Variants in SLC13A4 observed in about 807,000 individuals in gnomAD.
The protein encoded by SLC13A4 is solute carrier family 13 member 4, also known as Na(+)/sulfate cotransporter SUT-1.
SLC13A4 carries 28 observed loss-of-function variants against 72.7 expected under a neutral mutation model. The ratio of observed to expected loss-of-function variants is 0.39; its 90% CI spans 0.29 to 0.53. SLC13A4 has a LOEUF of 0.53. Among genes scored for constraint, SLC13A4 ranks in the 20% least tolerant of loss-of-function variants. The pLI is 0.78. For missense variants in SLC13A4, 653 were observed against 788.0 expected, an observed-to-expected ratio of 0.83 and a Z score of 2.05; for synonymous variants, 312 against 325.5, an observed-to-expected ratio of 0.96 and a Z score of 0.45.
intron 2 of SLC13A4, among the ~76,000 whole-genome samples, chr7:135,709,331 T>C (rs889500495): frequency 3.9e-5 from 6 of 151,970 alleles, no homozygotes; most frequent in Admixed American, 6.6e-5. Flanking sequence ...TTTTTTTTTT[T>C]CCCTGAACCA....
rs1380424784 is a variant in SLC13A4, at chr7:135,707,071, C to T, written c.366-771G>A. Among the ~76,000 whole-genome samples, 7 of 152,288 alleles carry T rather than the reference C, an allele frequency of 4.6e-5. No individual in the cohort carries two copies. In the South Asian group the frequency reaches 1.0e-3, roughly 23 times the overall value. On this transcript the variant is annotated intron_variant, in intron 3 of 15. Transcript: ENST00000682651. ...GACTTTGCACAACTTGGGGACAGTA[C>T]GTTTATCATGTGGACTCCATTGGCT...
In SLC13A4 at chr7:135,701,911, C is replaced by T. The variant is rs1467530805; in HGVS notation, c.634-151G>A. On this transcript the variant is annotated intron_variant, in intron 6 of 15. Coordinates refer to ENST00000682651, the MANE Select transcript of SLC13A4 (RefSeq NM_001318192.2). ...GCCAGGGGGAGCATATACACCAGGG[C>T]ACCTCAGCCAGGCCTGCCCCGCCCA... The T allele has an allele frequency of 2.8e-5, 18 of 646,748 alleles. No individual in the cohort carries two copies. In the East Asian group the frequency reaches 5.0e-4, roughly 18 times the overall value. The allele number at this position is 646,748 out of a possible 1,614,324, so 40.1% of individuals were successfully genotyped here.
chr7:135,692,438 CAG>C lies in SLC13A4; in HGVS notation c.1122-16_1122-15del. The C allele has an allele frequency of 3.2e-6, 5 of 1,571,318 alleles. No individual in the cohort carries two copies. Among genetic ancestry groups the C allele is most frequent in the East Asian group, 2.2e-5 (1 of 44,692 alleles). ...ATTTCTGGGTAGCTATAAAATAAAA[CAG>C]AAAGACCCACTCAGGAACTGAGAAA... On this transcript the variant is annotated splice_polypyrimidine_tract_variant and intron_variant, in intron 10 of 15. Transcript: ENST00000682651.
intron 5 of SLC13A4, 56 bp downstream of exon 5, chr7:135,705,540 T>A: frequency 6.5e-7 from 1 of 1,548,078 alleles, no homozygotes; most frequent in Non-Finnish European, 8.9e-7. Flanking sequence ...CCCTCTTTTC[T>A]GACCTCCCCT....
At chr7:135,701,889 A>G (rs1325029118) in intron 6 of SLC13A4, 129 bp from the exon 7 acceptor site, 4 of 818,932 alleles carry the variant, frequency 4.9e-6, no homozygotes, top group Non-Finnish European at 7.7e-6. Context: ...GCCAGAAGCC[A>G]GGGGGAGCAT....
chr7:135,714,277 C>T (rs540262445), intron 2 of SLC13A4, among the ~76,000 whole-genome samples: 3 of 152,302 alleles, frequency 2.0e-5, no homozygotes, highest in South Asian at 2.1e-4. Flanking sequence ...AGAAGCTGGC[C>T]CAACTCCTGC....
chr7:135,727,856 TTGC>T lies in SLC13A4; in HGVS notation c.-363_-361del, dbSNP rs199609665. The T allele has an allele frequency of 2.7e-3, 596 of 218,272 alleles. 3 individuals are homozygous for T. Among genetic ancestry groups the T allele is most frequent in the African/African-American group, 0.013 (571 of 44,176 alleles). 13.5% of individuals were successfully genotyped at this position (218,272 alleles called of 1,614,324 possible). A position where few individuals can be genotyped will look rare whatever the true frequency, so the allele number is the denominator to read the frequency against. ...CCCCTTAATCCTTTAAGCCACACCT[TTGC>T]TGCTGCTGCTCGGCCTTGAAGAAAT... On this transcript the variant is annotated 5_prime_UTR_variant, in exon 1 of 16. Transcript: ENST00000682651.
intron 2 of SLC13A4, among the ~76,000 whole-genome samples, chr7:135,714,686 A>AT (rs1796373779): frequency 1.3e-5 from 2 of 152,362 alleles, no homozygotes; most frequent in South Asian, 4.1e-4. Flanking sequence ...AGAGTGCTTT[A>AT]TGAAATGCCC....
At chr7:135,698,875 C>T (rs943946139) in intron 8 of SLC13A4, among the ~76,000 whole-genome samples, 1 of 151,768 alleles carries the variant, frequency 6.6e-6, no homozygotes, top group South Asian at 2.1e-4. Context: ...CCTCGTGATG[C>T]GCCTGCCTTG....
intron 5 of SLC13A4, chr7:135,703,853 G>A (rs1796098647): frequency 6.6e-6 from 1 of 152,268 alleles, no homozygotes; most frequent in Admixed American, 6.5e-5. Context: ...TTCTTAGCCT[G>A]GGAGGAGAAT....
intron 15 of SLC13A4, among the ~76,000 whole-genome samples, chr7:135,682,566 C>A (rs1795527308): frequency 6.6e-6 from 1 of 152,228 alleles, no homozygotes; most frequent in African/African-American, 2.4e-5. Flanking sequence ...TGGTCGGGGC[C>A]CCCTGGGCAT....
intron 13 of SLC13A4, among the ~76,000 whole-genome samples, chr7:135,689,457 A>C (rs1384769617): frequency 1.3e-5 from 2 of 152,196 alleles, no homozygotes; most frequent in African/African-American, 4.8e-5. Flanking sequence ...GTGCTGCTTG[A>C]ATCAGAGGTG....
chr7:135,698,373 T>G (rs1338724999), intron 8 of SLC13A4, among the ~76,000 whole-genome samples: 4 of 117,222 alleles, frequency 3.4e-5, no homozygotes, highest in African/African-American at 6.8e-5. Flanking sequence ...CTTGCTCTGT[T>G]GCCCAGGCTG....
intron 2 of SLC13A4, among the ~76,000 whole-genome samples, chr7:135,711,434 C>T (rs1488442667): frequency 6.6e-6 from 1 of 152,178 alleles, no homozygotes; most frequent in Admixed American, 6.5e-5. Context: ...AGGAAAGCAA[C>T]CAGGAATATG....
chr7:135,698,016 C>T (rs1043370427), intron 8 of SLC13A4, among the ~76,000 whole-genome samples: 4 of 151,930 alleles, frequency 2.6e-5, no homozygotes, highest in Non-Finnish European at 5.9e-5. Flanking sequence ...CCCTTTTTTT[C>T]CTTTTTTAAA....
chr7:135,720,921 T>C (rs1796533702), intron 2 of SLC13A4, among the ~76,000 whole-genome samples: 1 of 152,150 alleles, frequency 6.6e-6, no homozygotes. Flanking sequence ...GATGAAAACA[T>C]TGTCAGGGTT....
chr7:135,695,833 A>G (rs1215994546), intron 8 of SLC13A4, among the ~76,000 whole-genome samples: 1 of 152,250 alleles, frequency 6.6e-6, no homozygotes, highest in African/African-American at 2.4e-5. Context: ...AAAATGGAAC[A>G]GCTTGGTATA....
At chr7:135,684,292 G>A (rs771580668) in intron 14 of SLC13A4, 31 bp from the exon 15 acceptor site, 21 of 1,574,382 alleles carry the variant, frequency 1.3e-5, no homozygotes, top group East Asian at 9.2e-5. Context: ...AAACATTCAC[G>A]AGATTAGGCT....
chr7:135,705,454 G>A, intron 5 of SLC13A4, 142 bp downstream of exon 5: 1 of 696,112 alleles, frequency 1.4e-6, no homozygotes, highest in Admixed American at 2.3e-5. Flanking sequence ...GGGAGGTTGG[G>A]CGGGGTGGGG....
Sources: allele counts gnomAD v4.1 joint callset (sites outside exome capture counted in the v4.1 genomes callset), GRCh38; gene constraint gnomAD v4.1.1; transcripts MANE v1.5; gene names NCBI Gene and HGNC (gene_info 2026-07-23, HGNC 2026-07-21).